The following ALS2CL variants were observed in gnomAD, a reference collection of about 807,000 sequenced individuals.
The protein encoded by ALS2CL is ALS2 C-terminal like.
A neutral mutation model predicts 127.9 loss-of-function variants in ALS2CL; 112 were observed. The observed-to-expected ratio is 0.88, with a 90% CI of 0.75 to 1.02. The LOEUF (loss-of-function observed/expected upper bound fraction) is 1.02, where lower values mean the gene tolerates loss of function less well. Ranked by LOEUF, ALS2CL falls within the 50% of genes least tolerant of loss-of-function variation. The pLI, the probability that ALS2CL is intolerant of heterozygous loss-of-function variation, is 0.00. For synonymous variants in ALS2CL, 519 were observed against 527.6 expected (o/e 0.98, Z 0.22); for missense variants, 1,174 against 1,236.7 (o/e 0.95, Z 0.76).
At chr3:46,685,484 C>G in intron 7 of ALS2CL, 41 bp downstream of exon 7, 1 of 1,606,372 alleles carries the variant, frequency 6.2e-7, no homozygotes, top group Non-Finnish European at 8.5e-7. Context: ...ACCCCAGAAC[C>G]CTACTGTGGC....
intron 2 of ALS2CL, 101 bp from the exon 3 acceptor site, chr3:46,688,397 C>T (rs1003916977): frequency 3.2e-5 from 37 of 1,159,808 alleles, no homozygotes; most frequent in Non-Finnish European, 4.0e-5. Flanking sequence ...CCACCAGCAC[C>T]GGCCAGCCCT....
In ALS2CL at chr3:46,678,309, A is replaced by G. The variant is rs750029690; in HGVS notation, c.1707T>C (p.Gly569=). The change falls in exon 16 of 26, where the codon GGT becomes GGC. Residue 569 remains glycine, a synonymous_variant. Transcript: ENST00000318962. ...SGAGRGLHTQ[G]VLDTAALPPD... ...GTGGGAGGGCAGCCGTGTCCAGCAC[A>G]CCCTGTGTGTGCAGTCCTCTCCCTG... is the stretch of plus-strand genomic sequence containing the variant. 7 of 1,611,166 alleles carry G rather than the reference A, an allele frequency of 4.3e-6. No individual in the cohort carries two copies. The South Asian group carries it at 7.7e-5, about 18-fold the overall frequency.
Position 46,672,653 on chromosome 3 carries a change from T to C in ALS2CL, c.2473-452A>G, listed in dbSNP as rs545889636. 4.6e-5 allele frequency among the ~76,000 whole-genome samples: 7 copies of C among 152,280 alleles called. No individual in the cohort carries two copies. The East Asian group carries it at 9.6e-4, about 21-fold the overall frequency. ...TGATGCTTCCAGCCTGGCAGGCACATTTTGAGAACAGCTGCCTCATGTGCC... is the reference window on the plus strand; with the variant it reads ...TGATGCTTCCAGCCTGGCAGGCACACTTTGAGAACAGCTGCCTCATGTGCC... On this transcript the variant is annotated intron_variant, in intron 22 of 25. Coordinates refer to ENST00000318962, the MANE Select transcript of ALS2CL (RefSeq NM_147129.5).
Position 46,678,371 on chromosome 3 carries a change from T to C in ALS2CL, c.1645A>G (p.Asn549Asp), listed in dbSNP as rs373819807. 4 of 1,612,444 alleles carry C rather than the reference T, an allele frequency of 2.5e-6. No individual in the cohort carries two copies. The highest frequency in any genetic ancestry group is 3.4e-6 in the Non-Finnish European group (4 of 1,179,110). ...AACGAGCCCTCCAGGGTGAAGCCAT[T>C]GGGGAAGGTGACCTTGCCCTGGGAG... ...LMGKGKVTFPNGFTLEGSFGS... is the reference protein window; with the variant it reads ...LMGKGKVTFPDGFTLEGSFGS... The change falls in exon 16 of 26, where the codon AAT becomes GAT. Residue 549 changes from asparagine (N) to aspartate (D), a missense_variant. By Grantham distance (23) the Asn-to-Asp change is conservative (BLOSUM62 1). Transcript: ENST00000318962.
chr3:46,672,903 G>A (rs1353281635), intron 22 of ALS2CL, among the ~76,000 whole-genome samples: 2 of 152,204 alleles, frequency 1.3e-5, no homozygotes, highest in Non-Finnish European at 1.5e-5. Flanking sequence ...CTACTCGGGA[G>A]GCTGAGGCAG....
In ALS2CL at chr3:46,681,624, G is replaced by C. The variant is rs878873039; in HGVS notation, c.1176-26C>G. On this transcript the variant is annotated intron_variant, in intron 11 of 25. Coordinates refer to ENST00000318962, the MANE Select transcript of ALS2CL (RefSeq NM_147129.5). The surrounding 1 kb of genome is among the most constrained non-coding windows in gnomAD (Gnocchi z 4.9). ...CTGACAGCATGGTTGTGGGGGTGGGGATCAGCCCTGACCTGAGACGCCCAT... is the reference window on the plus strand; with the variant it reads ...CTGACAGCATGGTTGTGGGGGTGGGCATCAGCCCTGACCTGAGACGCCCAT... The C allele has an allele frequency of 6.2e-7, 1 of 1,610,880 alleles. No individual in the cohort carries two copies. The highest frequency in any genetic ancestry group is 8.5e-7 in the Non-Finnish European group (1 of 1,177,430).
intron 14 of ALS2CL, chr3:46,679,535 C>T (rs1575425146): frequency 3.3e-6 from 1 of 300,756 alleles, no homozygotes; most frequent in South Asian, 8.0e-5. Context: ...CTCCTCACCC[C>T]AGCGGCTTCT....
chr3:46,688,199 G>A lies in ALS2CL; in HGVS notation c.201C>T (p.Ser67=). The A allele has an allele frequency of 3.1e-6, 5 of 1,613,102 alleles. No homozygotes were observed. The highest frequency in any genetic ancestry group is 4.2e-6 in the Non-Finnish European group (5 of 1,180,008). ...GCAGCCTCTCCTGCAGTGAGTGCAGGCTTTCCTCCGTCACCTCCCAGAGTT... is the reference window on the plus strand; with the variant it reads ...GCAGCCTCTCCTGCAGTGAGTGCAGACTTTCCTCCGTCACCTCCCAGAGTT... ...SQQLWEVTEE[S]LHSLQERLRY... The change falls in exon 3 of 26, where the codon AGC becomes AGT. Residue 67 remains serine (S), a synonymous_variant. Transcript: ENST00000318962.
intron 19 of ALS2CL, chr3:46,675,949 G>A: frequency 2.1e-6 from 3 of 1,424,538 alleles, no homozygotes; most frequent in Non-Finnish European, 2.7e-6. Flanking sequence ...GACTGCAGGT[G>A]TGTTCCGAGT....
chr3:46,688,912 T>C (rs1462235555), intron 2 of ALS2CL, among the ~76,000 whole-genome samples: 2 of 152,336 alleles, frequency 1.3e-5, no homozygotes, highest in East Asian at 3.9e-4. Context: ...GTTCATGGCC[T>C]GGCCCCTCAG....
chr3:46,675,985 G>C, intron 19 of ALS2CL: 1 of 1,422,456 alleles, frequency 7.0e-7, no homozygotes, highest in Non-Finnish European at 9.2e-7. Context: ...GCCTACAGTG[G>C]GGTGAGAGTG....
rs1179829022 is a variant in ALS2CL at position 46,683,149 on chromosome 3, T to A, written c.1090A>T (p.Arg364Trp). The change falls in exon 10 of 26, where the codon AGG becomes TGG. Residue 364 changes from arginine to tryptophan, a missense_variant. Coordinates refer to ENST00000318962, the MANE Select transcript of ALS2CL (RefSeq NM_147129.5). Reference sequence around the variant, plus strand: ...ACTCACTTGCCGTGGGGCCGGCCCCTGCACCACTCGCCCTCGTAGGTGGCC... The same window carrying A: ...ACTCACTTGCCGTGGGGCCGGCCCCAGCACCACTCGCCCTCGTAGGTGGCC... Reference protein sequence around the residue: ...CQATYEGEWCRGRPHGKGTLK... With the variant: ...CQATYEGEWCWGRPHGKGTLK... 1.9e-6 allele frequency: 3 copies of A among 1,597,178 alleles called. No homozygotes were observed. The highest frequency in any genetic ancestry group is 2.6e-6 in the Non-Finnish European group (3 of 1,171,926).
Position 46,681,555 on chromosome 3 carries a change from C to T in ALS2CL, c.1219G>A (p.Asp407Asn), listed in dbSNP as rs773469937. 9.3e-6 allele frequency: 15 copies of T among 1,613,998 alleles called. No individual in the cohort carries two copies. The highest frequency in any genetic ancestry group is 6.7e-5 in the African/African-American group (5 of 74,924). ...LLPQASEDKF[D>N]CYKCHWREGS... The stretch of plus-strand genomic sequence containing the variant: ...TCTCGCCAGTGACACTTGTAACAGT[C>T]GAACTTGTCCTCAGAGGCCTGGGGC... Residue 407 changes from aspartate (D) to asparagine (N), a missense_variant, in exon 12 of 26, where the codon GAC (aspartate) becomes AAC (asparagine). Coordinates refer to ENST00000318962, the MANE Select transcript of ALS2CL (RefSeq NM_147129.5). The surrounding 1 kb of genome is among the most constrained non-coding windows in gnomAD (Gnocchi z 4.9).
chr3:46,689,381 G>C lies in ALS2CL; in HGVS notation c.60C>G (p.Leu20=). 6.2e-7 allele frequency: 1 copy of C among 1,612,404 alleles called. No homozygotes were observed. The highest frequency in any genetic ancestry group is 8.5e-7 in the Non-Finnish European group (1 of 1,179,828). ...GGAGGACAAGGCTGTTGACATGGGC[G>C]AGGGTGGCTGAGAAGACCTCCTCCA... ...LRLEEVFSAT[L]AHVNSLVLQP... is the part of the protein sequence containing the mutation. The change falls in exon 2 of 26, where the codon CTC becomes CTG. Residue 20 remains leucine (L), a synonymous_variant. Coordinates refer to ENST00000318962, the MANE Select transcript of ALS2CL (RefSeq NM_147129.5).
chr3:46,678,354 C>T lies in ALS2CL; in HGVS notation c.1662G>A (p.Glu554=). ...KVTFPNGFTL[E]GSFGSGAGRG... ...TCCCTGCCCCACTGCCGAACGAGCCCTCCAGGGTGAAGCCATTGGGGAAGG... is the reference window on the plus strand; with the variant it reads ...TCCCTGCCCCACTGCCGAACGAGCCTTCCAGGGTGAAGCCATTGGGGAAGG... Residue 554 remains glutamate, a synonymous_variant, in exon 16 of 26, where the codon GAG becomes GAA. Transcript: ENST00000318962. The T allele has an allele frequency of 1.2e-6, 2 of 1,613,296 alleles. No individual in the cohort carries two copies. Among genetic ancestry groups the T allele is most frequent in the South Asian group, 2.2e-5 (2 of 90,980 alleles).
At position 46,687,087 on chromosome 3, in the gene ALS2CL, CCTCTGAGCT is replaced by C; in HGVS notation, c.421_429del (p.Ser141_Glu143del). The stretch of plus-strand genomic sequence containing the variant: ...TGGCCCAGCGATGCGCCCACCGAGC[CCTCTGAGCT>C]CACACCTGAAAGCAGCTGCCGCAGC... On this transcript the variant is annotated inframe_deletion, in exon 5 of 26. Coordinates refer to ENST00000318962, the MANE Select transcript of ALS2CL (RefSeq NM_147129.5). 4 of 1,590,532 alleles carry C rather than the reference CCTCTGAGCT, an allele frequency of 2.5e-6. No homozygotes were observed. The highest frequency in any genetic ancestry group is 3.4e-6 in the Non-Finnish European group (4 of 1,175,402).
Position 46,686,760 on chromosome 3 carries a change from C to G in ALS2CL, c.534+223G>C, listed in dbSNP as rs1340380962. Among the ~76,000 whole-genome samples the G allele has an allele frequency of 6.6e-6, 1 of 152,086 alleles. No individual in the cohort carries two copies. The highest frequency in any genetic ancestry group is 1.5e-5 in the Non-Finnish European group (1 of 67,990). ...TTTCACCCACTAAGATTCCCTAGGACAGAACCATGTCTTCGGACCCCCTCC... is the reference window on the plus strand; with the variant it reads ...TTTCACCCACTAAGATTCCCTAGGAGAGAACCATGTCTTCGGACCCCCTCC... On this transcript the variant is annotated intron_variant, in intron 5 of 25. Coordinates refer to ENST00000318962, the MANE Select transcript of ALS2CL (RefSeq NM_147129.5). The surrounding 1 kb of genome is among the most constrained non-coding windows in gnomAD (Gnocchi z 4.3).
At chr3:46,672,113 C>T in intron 23 of ALS2CL, 27 bp downstream of exon 23, 3 of 1,614,168 alleles carry the variant, frequency 1.9e-6, no homozygotes, top group Non-Finnish European at 1.7e-6. Flanking sequence ...GCCTCCGGAC[C>T]CCCAACCCAC....
intron 20 of ALS2CL, 165 bp from the exon 21 acceptor site, chr3:46,674,904 G>A: frequency 3.2e-6 from 2 of 618,522 alleles, no homozygotes; most frequent in Middle Eastern, 4.6e-4. Context: ...GTCATCATTT[G>A]CCCAATTCAA....
Sources: gnomAD v4.1 joint callset for allele counts (sites outside exome capture counted in the v4.1 genomes callset) on GRCh38, gnomAD v4.1.1 for gene constraint, Gnocchi (gnomAD v3.1) non-coding constraint, MANE v1.5 for transcripts, NCBI Gene and HGNC (gene_info 2026-07-23, HGNC 2026-07-21) for gene names.